The following ERC1 variants were observed in gnomAD, a reference collection of about 807,000 sequenced individuals.
ERC1 encodes the protein RAB6 interacting protein 2.
A neutral mutation model predicts 132.0 loss-of-function variants in ERC1; 56 were observed. The ratio of observed to expected loss-of-function variants is 0.42; its 90% confidence interval spans 0.34 to 0.53. The LOEUF is 0.53. ERC1 is among the 20% of genes least tolerant of loss of function. ERC1 has a pLI of 0.03. For missense variants in ERC1, 1,202 were observed against 1,349.9 expected (o/e 0.89, Z 1.72); for synonymous variants, 478 against 476.1 (o/e 1.00, Z -0.05).
chr12:1,260,761 T>C (rs2077092117), intron 13 of ERC1, among the ~76,000 whole-genome samples: 1 of 152,256 alleles, frequency 6.6e-6, no homozygotes, highest in Admixed American at 6.5e-5. Context: ...TATCCTAGTT[T>C]GATACAGTTG....
At chr12:1,169,529 A>G (rs1430063634) in intron 8 of ERC1, among the ~76,000 whole-genome samples, 1 of 152,118 alleles carries the variant, frequency 6.6e-6, no homozygotes, top group Non-Finnish European at 1.5e-5. Context: ...CTCCGATCCC[A>G]AAGAGCACCG....
At chr12:1,347,958 GGTC>G (rs1324625313) in intron 15 of ERC1, among the ~76,000 whole-genome samples, 6 of 151,988 alleles carry the variant, frequency 3.9e-5, no homozygotes, top group South Asian at 4.2e-4. Context: ...ACTCCAATCT[GGTC>G]AACAGAGTTA....
intron 13 of ERC1, chr12:1,244,483 G>A (rs2154308939): frequency 2.3e-6 from 1 of 441,638 alleles, no homozygotes; most frequent in Admixed American, 2.4e-5. Context: ...TTCATTAAGT[G>A]TTTTGTACTT....
chr12:1,391,529 C>T (rs2089959511), intron 16 of ERC1: 2 of 152,308 alleles, frequency 1.3e-5, no homozygotes. Flanking sequence ...CTAGAATCCT[C>T]ACCTAGTCTC....
At chr12:1,152,206 G>GA (rs35431114) in intron 8 of ERC1, 1,280 of 117,226 alleles carry the variant, frequency 0.011, 14 homozygotes, top group African/African-American at 0.034. Flanking sequence ...GTATCAAAAA[G>GA]AAAAAAAAAA....
At chr12:1,121,717 A>ATCTCTATCTGTG in intron 7 of ERC1, among the ~76,000 whole-genome samples, 59 of 5,516 alleles carry the variant, frequency 0.011, 5 homozygotes, top group African/African-American at 0.019. Context: ...CTGTGTCTCT[A>ATCTCTATCTGTG]TCTCTATCTC....
chr12:1,212,434 G>A (rs1287506310), intron 12 of ERC1, among the ~76,000 whole-genome samples: 1 of 152,056 alleles, frequency 6.6e-6, no homozygotes, highest in Admixed American at 6.6e-5. Flanking sequence ...CTCCAGACTA[G>A]CTTAGGGCTC....
At chr12:1,182,299 C>T (rs1200800533) in intron 10 of ERC1, among the ~76,000 whole-genome samples, 2 of 152,060 alleles carry the variant, frequency 1.3e-5, no homozygotes, top group Non-Finnish European at 2.9e-5. Flanking sequence ...TGGTTTTTTA[C>T]TTACTAATAT....
chr12:1,000,223 G>A (rs1046255969), intron 1 of ERC1, among the ~76,000 whole-genome samples: 5 of 152,106 alleles, frequency 3.3e-5, no homozygotes, highest in East Asian at 1.9e-4. Flanking sequence ...AGTGGCTCAC[G>A]CCTGTAATCC....
chr12:1,292,331 G>GT (rs1343869995), intron 15 of ERC1, among the ~76,000 whole-genome samples: 1 of 152,192 alleles, frequency 6.6e-6, no homozygotes, highest in Non-Finnish European at 1.5e-5. Context: ...TATGCAGGCA[G>GT]TTAGTTGTAA....
intron 2 of ERC1, among the ~76,000 whole-genome samples, chr12:1,072,531 C>T (rs982360770): frequency 1.1e-4 from 16 of 152,068 alleles, no homozygotes; most frequent in African/African-American, 2.9e-4. Context: ...GAGTCTCAGA[C>T]GCATCTTATT....
intron 12 of ERC1, among the ~76,000 whole-genome samples, chr12:1,192,484 A>G (rs1341807812): frequency 6.6e-6 from 1 of 151,952 alleles, no homozygotes; most frequent in African/African-American, 2.4e-5. Context: ...GTCTCCCTAT[A>G]GTTTATCATT....
At chr12:1,136,479 A>G (rs1319104323) in intron 7 of ERC1, among the ~76,000 whole-genome samples, 4 of 152,176 alleles carry the variant, frequency 2.6e-5, no homozygotes, top group Non-Finnish European at 5.9e-5. Flanking sequence ...TTTTGGCAAC[A>G]TTCTTCTCCA....
intron 15 of ERC1, among the ~76,000 whole-genome samples, chr12:1,369,931 A>G (rs1164505965): frequency 1.3e-5 from 2 of 152,212 alleles, no homozygotes; most frequent in African/African-American, 4.8e-5. Context: ...AGACCTACAC[A>G]TCCAGAATAA....
intron 17 of ERC1, among the ~76,000 whole-genome samples, chr12:1,418,154 GTTA>G (rs2092214126): frequency 6.6e-6 from 1 of 152,154 alleles, no homozygotes; most frequent in Non-Finnish European, 1.5e-5. Context: ...TTTTAAAGAC[GTTA>G]TTATGCCTTT....
rs372053389 is a variant in ERC1 at position 1,095,930 on chromosome 12, ATT to A, written c.1087-8803_1087-8802del. Among the ~76,000 whole-genome samples the A allele has an allele frequency of 5.1e-3, 738 of 144,486 alleles. 6 individuals are homozygous for A. Among genetic ancestry groups the A allele is most frequent in the African/African-American group, 0.017 (666 of 39,156 alleles). 94.8% of individuals were successfully genotyped at this position (144,486 alleles called of 152,430 possible). A position where few individuals can be genotyped will look rare whatever the true frequency, so the allele number is the denominator to read the frequency against. On this transcript the variant is annotated intron_variant, in intron 3 of 18. Transcript: ENST00000360905. ...AATTCTTTATTGTACGCAGGGAAGGATTTTTTTTTTTTTTTTTTGAGATAGGG... is the reference window on the plus strand; with the variant it reads ...AATTCTTTATTGTACGCAGGGAAGGATTTTTTTTTTTTTTTTGAGATAGGG...
chr12:1,276,235 C>A (rs201985804), intron 14 of ERC1, among the ~76,000 whole-genome samples: 1 of 92,930 alleles, frequency 1.1e-5, no homozygotes, highest in Non-Finnish European at 2.8e-5. Flanking sequence ...TTTTCTTTTT[C>A]TTTTTCTTTT....
chr12:1,149,228 G>A (rs1950631744), intron 8 of ERC1, among the ~76,000 whole-genome samples: 1 of 151,994 alleles, frequency 6.6e-6, no homozygotes, highest in African/African-American at 2.4e-5. Context: ...TTAGGCAGGA[G>A]TAACAACTTT....
intron 17 of ERC1, among the ~76,000 whole-genome samples, chr12:1,429,270 T>G (rs1165170478): frequency 1.3e-5 from 2 of 152,222 alleles, no homozygotes; most frequent in Admixed American, 1.3e-4. Flanking sequence ...ATTTTGCTGT[T>G]GGTATTCTAG....
Sources: allele counts gnomAD v4.1 joint callset (sites outside exome capture counted in the v4.1 genomes callset), GRCh38; gene constraint gnomAD v4.1.1; transcripts MANE v1.5; gene names NCBI Gene and HGNC (gene_info 2026-07-23, HGNC 2026-07-21).